Variants in TBCK observed in about 807,000 individuals in gnomAD.
TBCK encodes the protein TBC domain-containing protein kinase-like protein.
A neutral mutation model predicts 113.4 loss-of-function variants in TBCK; 99 were observed. That is an observed-to-expected ratio of 0.87 (90% CI 0.74 to 1.03). The LOEUF is 1.03. Ranked by LOEUF, TBCK falls within the 50% of genes least tolerant of loss-of-function variation. TBCK has a pLI of 0.00. For synonymous variants in TBCK, 369 were observed against 370.8 expected (o/e 1.00, Z 0.05); for missense variants, 1,045 against 1,061.3 (o/e 0.98, Z 0.21).
intron 25 of TBCK, among the ~76,000 whole-genome samples, chr4:106,065,330 A>T (rs1736517218): frequency 2.0e-5 from 3 of 151,994 alleles, no homozygotes; most frequent in African/African-American, 7.2e-5. Flanking sequence ...TCCTGCTGGC[A>T]TGTTTTGTTT....
intron 19 of TBCK, among the ~76,000 whole-genome samples, chr4:106,230,056 T>C (rs1273782053): frequency 6.6e-6 from 1 of 152,010 alleles, no homozygotes; most frequent in Non-Finnish European, 1.5e-5. Flanking sequence ...GACTTGCCCA[T>C]GGTGAAGCTT....
At chr4:106,153,066 T>G (rs1748693472) in intron 23 of TBCK, among the ~76,000 whole-genome samples, 1 of 152,078 alleles carries the variant, frequency 6.6e-6, no homozygotes, top group Non-Finnish European at 1.5e-5. Context: ...TTCAAATTAA[T>G]TTATTTTTGC....
At chr4:106,061,910 T>A (rs1165936625) in intron 25 of TBCK, among the ~76,000 whole-genome samples, 1 of 151,758 alleles carries the variant, frequency 6.6e-6, no homozygotes, top group African/African-American at 2.4e-5. Context: ...GAGTGATTTT[T>A]ACCAGTGACT....
chr4:106,129,946 C>T (rs1007083423), intron 23 of TBCK, among the ~76,000 whole-genome samples: 2 of 152,204 alleles, frequency 1.3e-5, no homozygotes, highest in Non-Finnish European at 2.9e-5. Context: ...GGCTGTGTCC[C>T]TTGACCAAAG....
chr4:106,073,509 G>C (rs991744576), intron 25 of TBCK, among the ~76,000 whole-genome samples: 2 of 152,170 alleles, frequency 1.3e-5, no homozygotes, highest in Non-Finnish European at 2.9e-5. Flanking sequence ...AGGGGCACCT[G>C]GGTGTATGAG....
At chr4:106,059,638 A>T (rs1735813434) in intron 25 of TBCK, among the ~76,000 whole-genome samples, 1 of 151,590 alleles carries the variant, frequency 6.6e-6, no homozygotes, top group East Asian at 1.9e-4. Flanking sequence ...TGAGACACAA[A>T]AATATTAAAA....
intron 23 of TBCK, among the ~76,000 whole-genome samples, chr4:106,136,635 A>T (rs890039501): frequency 7.1e-6 from 1 of 140,632 alleles, no homozygotes; most frequent in Non-Finnish European, 1.6e-5. Context: ...TCCCCCACCA[A>T]CTTAACCTGG....
intron 19 of TBCK, among the ~76,000 whole-genome samples, chr4:106,223,417 G>A (rs1363861827): frequency 6.6e-6 from 1 of 152,040 alleles, no homozygotes; most frequent in Non-Finnish European, 1.5e-5. Flanking sequence ...TTATCTCCTA[G>A]TTTGCCTGAG....
chr4:106,110,501 A>T (rs1742713811), intron 24 of TBCK, among the ~76,000 whole-genome samples: 2 of 152,202 alleles, frequency 1.3e-5, no homozygotes, highest in Admixed American at 6.5e-5. Context: ...ATATAAAAGC[A>T]TTGAAACAGC....
rs532376371 is a variant in TBCK at position 106,289,031 on chromosome 4, C to T, written c.266+6063G>A. 8.4e-4 allele frequency among the ~76,000 whole-genome samples: 128 copies of T among 152,248 alleles called. 3 individuals are homozygous for T. The highest frequency in any genetic ancestry group is 8.1e-3 in the South Asian group (39 of 4,822). On this transcript the variant is annotated intron_variant, in intron 3 of 25. Transcript: ENST00000394708. ...ATCTGGGAAAAACAAATCCCAAATC[C>T]GAAACACTTCTGGTCCCAAACATTA...
chr4:106,142,764 A>G (rs1747282678), intron 23 of TBCK, among the ~76,000 whole-genome samples: 1 of 152,154 alleles, frequency 6.6e-6, no homozygotes, highest in African/African-American at 2.4e-5. Context: ...GAATTACCCT[A>G]TCTGTGCCCA....
At chr4:106,253,513 T>C (rs1560914703) in intron 5 of TBCK, among the ~76,000 whole-genome samples, 1 of 152,170 alleles carries the variant, frequency 6.6e-6, no homozygotes, top group Non-Finnish European at 1.5e-5. Flanking sequence ...TTCTACTTCA[T>C]TACACAATGC....
chr4:106,263,593 TTTTG>T (rs1762703425), intron 3 of TBCK, among the ~76,000 whole-genome samples: 1 of 151,904 alleles, frequency 6.6e-6, no homozygotes, highest in Non-Finnish European at 1.5e-5. Context: ...GGTTACATAA[TTTTG>T]TTTATCAAAC....
intron 24 of TBCK, among the ~76,000 whole-genome samples, chr4:106,113,193 A>G (rs1459643506): frequency 2.0e-5 from 3 of 152,200 alleles, no homozygotes; most frequent in African/African-American, 7.2e-5. Context: ...CCAGCTCACA[A>G]TTTCAACAAT....
In TBCK at chr4:106,232,964, G is replaced by A; in HGVS notation, c.1613C>T (p.Ser538Phe). The A allele has an allele frequency of 1.2e-6, 2 of 1,612,160 alleles. No homozygotes were observed. The highest frequency in any genetic ancestry group is 1.7e-6 in the Non-Finnish European group (2 of 1,178,740). Residue 538 changes from serine (S) to phenylalanine (F), a missense_variant, in exon 17 of 26, where the codon TCT (serine) becomes TTT (phenylalanine). Transcript: ENST00000394708. ...TTGCCAATACACAAGATCAGGATGA[G>A]ACACTACCCAGGCTTTTAATACACG... Reference protein sequence around the residue: ...FRRVLKAWVVSHPDLVYWQGL... With the variant: ...FRRVLKAWVVFHPDLVYWQGL...
intron 12 of TBCK, among the ~76,000 whole-genome samples, chr4:106,241,261 A>G (rs1760098680): frequency 6.9e-6 from 1 of 144,148 alleles, no homozygotes; most frequent in Non-Finnish European, 1.5e-5. Flanking sequence ...AGACAAATAA[A>G]TGACATATTT....
At chr4:106,148,077 C>A (rs184126377) in intron 23 of TBCK, among the ~76,000 whole-genome samples, 53 of 152,292 alleles carry the variant, frequency 3.5e-4, no homozygotes, top group Admixed American at 3.2e-3. Flanking sequence ...GAAATTCCCA[C>A]CTAATAAATT....
chr4:106,230,388 TAAG>T lies in TBCK; in HGVS notation c.1746_1748del (p.Phe582del), dbSNP rs909658169. 3 of 1,602,116 alleles carry T rather than the reference TAAG, an allele frequency of 1.9e-6. No homozygotes were observed. Among genetic ancestry groups the T allele is most frequent in the East Asian group, 4.5e-5 (2 of 44,632 alleles). ...CTTGTATTACATGTGAGTTGTCTTT[TAAG>T]AAGAAGTTATACAGGTATTTGGGAA... On this transcript the variant is annotated inframe_deletion, in exon 19 of 26. Transcript: ENST00000394708.
intron 25 of TBCK, among the ~76,000 whole-genome samples, chr4:106,069,792 C>A (rs1737145272): frequency 6.6e-6 from 1 of 152,156 alleles, no homozygotes; most frequent in South Asian, 2.1e-4. Context: ...AATGTTCTTT[C>A]ATTTGTTTGT....
Sources: gnomAD v4.1 joint callset for allele counts (sites outside exome capture counted in the v4.1 genomes callset) on GRCh38, gnomAD v4.1.1 for gene constraint, MANE v1.5 for transcripts, NCBI Gene and HGNC (gene_info 2026-07-23, HGNC 2026-07-21) for gene names.